Variants in SPOCK3 observed in about 807,000 individuals in gnomAD.
The protein encoded by SPOCK3 is testican-3.
SPOCK3 carries 30 observed loss-of-function variants against 56.6 expected under a neutral mutation model. The ratio of observed to expected loss-of-function variants is 0.53; its 90% CI spans 0.40 to 0.72. The LOEUF is 0.72. SPOCK3 is among the 30% of genes least tolerant of loss of function. The pLI, the probability that SPOCK3 is intolerant of heterozygous loss-of-function variation, is 0.00. For synonymous variants in SPOCK3, 196 were observed against 183.3 expected (o/e 1.07, Z -0.56); for missense variants, 527 against 530.0 (o/e 0.99, Z 0.06).
At chr4:166,950,734 T>C (rs1025017247) in intron 4 of SPOCK3, among the ~76,000 whole-genome samples, 35 of 149,262 alleles carry the variant, frequency 2.3e-4, no homozygotes, top group Non-Finnish European at 3.5e-4. Context: ...TAACAAACTA[T>C]CTCTCAGACC....
At chr4:166,997,937 C>G (rs910222112) in intron 4 of SPOCK3, among the ~76,000 whole-genome samples, 5 of 152,046 alleles carry the variant, frequency 3.3e-5, no homozygotes, top group Non-Finnish European at 5.9e-5. Context: ...AAAAATTGAT[C>G]AATTAAGCCG....
intron 2 of SPOCK3, among the ~76,000 whole-genome samples, chr4:167,220,378 CTT>C (rs61002914): frequency 1.3e-4 from 17 of 130,022 alleles, no homozygotes; most frequent in South Asian, 2.4e-4. Flanking sequence ...ACTGTAAGAA[CTT>C]TTTTTTTTTT....
At chr4:166,737,441 A>T (rs1256442406) in intron 10 of SPOCK3, 26 bp downstream of exon 10, 1 of 1,599,302 alleles carries the variant, frequency 6.3e-7, no homozygotes. Flanking sequence ...TTAGAAAATT[A>T]TGAAATAAGT....
At chr4:167,139,337 T>G (rs886069365) in intron 2 of SPOCK3, among the ~76,000 whole-genome samples, 9 of 152,044 alleles carry the variant, frequency 5.9e-5, no homozygotes, top group Admixed American at 1.3e-4. Flanking sequence ...TGAACTACAC[T>G]AGAAAAAGAA....
At chr4:166,940,335 G>C (rs1347720271) in intron 4 of SPOCK3, among the ~76,000 whole-genome samples, 1 of 152,050 alleles carries the variant, frequency 6.6e-6, no homozygotes. Context: ...AGCCACTACA[G>C]CCTCCCTACC....
At chr4:167,172,637 A>T (rs1176327246) in intron 2 of SPOCK3, among the ~76,000 whole-genome samples, 1 of 152,128 alleles carries the variant, frequency 6.6e-6, no homozygotes, top group Admixed American at 6.6e-5. Context: ...TTTTTATTAT[A>T]CTCAAGTTAT....
intron 2 of SPOCK3, among the ~76,000 whole-genome samples, chr4:167,205,302 ATATAT>A (rs1191012635): frequency 9.0e-5 from 4 of 44,420 alleles, no homozygotes; most frequent in South Asian, 6.5e-4. Context: ...TATCTATAAT[ATATAT>A]TATATATTTT....
At chr4:166,892,312 G>T (rs568033468) in intron 5 of SPOCK3, among the ~76,000 whole-genome samples, 198 of 151,930 alleles carry the variant, frequency 1.3e-3, no homozygotes, top group African/African-American at 4.6e-3. Flanking sequence ...ATTTCAGAAT[G>T]ATTCTACTCA....
chr4:167,031,323 C>T (rs888469157), intron 3 of SPOCK3, among the ~76,000 whole-genome samples: 34 of 151,848 alleles, frequency 2.2e-4, no homozygotes, highest in Non-Finnish European at 3.7e-4. Context: ...AAGGGATATT[C>T]ACATTTACTG....
chr4:166,769,266 AT>A (rs1162740765), intron 7 of SPOCK3, among the ~76,000 whole-genome samples: 38 of 151,938 alleles, frequency 2.5e-4, no homozygotes, highest in Non-Finnish European at 5.0e-4. Context: ...AGGTGCTCTG[AT>A]TTTTAGTATT....
chr4:167,057,979 T>C (rs1196295428), intron 3 of SPOCK3, among the ~76,000 whole-genome samples: 1 of 152,078 alleles, frequency 6.6e-6, no homozygotes, highest in African/African-American at 2.4e-5. Context: ...ATCAACAGAA[T>C]ATACATTTTT....
chr4:166,977,990 C>T (rs1746145262), intron 4 of SPOCK3, among the ~76,000 whole-genome samples: 1 of 152,140 alleles, frequency 6.6e-6, no homozygotes, highest in South Asian at 2.1e-4. Context: ...TACAAATCTG[C>T]TTAAAGTCTC....
At chr4:167,119,902 A>C (rs1349548666) in intron 2 of SPOCK3, 3 of 1,408,966 alleles carry the variant, frequency 2.1e-6, no homozygotes, top group Non-Finnish European at 2.8e-6. Context: ...TCAACCAAAA[A>C]AGAAAAAAGG....
intron 4 of SPOCK3, among the ~76,000 whole-genome samples, chr4:166,970,793 C>T (rs1037319368): frequency 1.3e-5 from 2 of 151,364 alleles, no homozygotes; most frequent in Non-Finnish European, 2.9e-5. Flanking sequence ...CATAAAATTA[C>T]AATTACAAAA....
At chr4:167,038,748 T>A in intron 3 of SPOCK3, among the ~76,000 whole-genome samples, 1 of 148,828 alleles carries the variant, frequency 6.7e-6, no homozygotes, top group Non-Finnish European at 1.5e-5. Context: ...CCAAAATACA[T>A]ACACTCTATA....
intron 2 of SPOCK3, among the ~76,000 whole-genome samples, chr4:167,076,881 C>T (rs79017714): frequency 0.015 from 2,295 of 151,828 alleles, 65 homozygotes; most frequent in African/African-American, 0.052. Flanking sequence ...CTTTTAATAA[C>T]TTAGCTTGCG....
At chr4:167,144,507 T>C (rs1377599938) in intron 2 of SPOCK3, among the ~76,000 whole-genome samples, 3 of 151,894 alleles carry the variant, frequency 2.0e-5, no homozygotes, top group Non-Finnish European at 4.4e-5. Flanking sequence ...TAGCCAGGCA[T>C]AGACCTAGGT....
At chr4:167,123,932 A>G (rs1042205982) in intron 2 of SPOCK3, among the ~76,000 whole-genome samples, 2 of 151,908 alleles carry the variant, frequency 1.3e-5, no homozygotes, top group African/African-American at 4.8e-5. Context: ...TTTTTAGTAC[A>G]GACAGGGTTT....
chr4:167,097,850 A>G (rs141244992), intron 2 of SPOCK3, among the ~76,000 whole-genome samples: 1 of 152,156 alleles, frequency 6.6e-6, no homozygotes, highest in African/African-American at 2.4e-5. Context: ...TACACTATGG[A>G]ATACCATGCA....
Sources: gnomAD v4.1 joint callset for allele counts (sites outside exome capture counted in the v4.1 genomes callset) on GRCh38, gnomAD v4.1.1 for gene constraint, MANE v1.5 for transcripts, NCBI Gene and HGNC (gene_info 2026-07-23, HGNC 2026-07-21) for gene names.